The following ZCCHC17 variants were observed in gnomAD, a reference collection of about 807,000 sequenced individuals.
ZCCHC17 encodes zinc finger CCHC-type containing 17.
Under a neutral mutation model 30.6 loss-of-function variants are expected in ZCCHC17, and 18 were observed. The observed-to-expected ratio is 0.59, with a 90% CI of 0.41 to 0.87. ZCCHC17 has a LOEUF of 0.87. Among genes scored for constraint, ZCCHC17 ranks in the 40% least tolerant of loss-of-function variants. The pLI is 0.00. For synonymous variants in ZCCHC17, 88 were observed against 92.4 expected, an observed-to-expected ratio of 0.95 and a Z score of 0.27; for missense variants, 263 against 284.2, an observed-to-expected ratio of 0.93 and a Z score of 0.54.
intron 1 of ZCCHC17, among the ~76,000 whole-genome samples, chr1:31,304,751 A>G (rs762328638): frequency 6.6e-6 from 1 of 151,818 alleles, no homozygotes; most frequent in Non-Finnish European, 1.5e-5. Flanking sequence ...GCCCGCTGCC[A>G]CGCCTGGCTA....
intron 1 of ZCCHC17, among the ~76,000 whole-genome samples, chr1:31,307,231 C>T (rs1460747079): frequency 6.6e-6 from 1 of 151,894 alleles, no homozygotes; most frequent in Non-Finnish European, 1.5e-5. Flanking sequence ...CCTTAGCTTC[C>T]CACGATTACA....
At chr1:31,346,068 ATAGAAGGAGAGC>A (rs112123650) in intron 5 of ZCCHC17, among the ~76,000 whole-genome samples, 2 of 152,210 alleles carry the variant, frequency 1.3e-5, no homozygotes, top group African/African-American at 4.8e-5. Context: ...AAAAGACTTG[ATAGAAGGAGAGC>A]TAGTAACTGA....
chr1:31,326,512 G>A (rs1054829285), intron 3 of ZCCHC17, among the ~76,000 whole-genome samples: 3 of 152,188 alleles, frequency 2.0e-5, no homozygotes, highest in African/African-American at 7.2e-5. Context: ...CTTTCTGTCT[G>A]AGCACAGGTT....
Position 31,310,107 on chromosome 1 carries a change from A to T in ZCCHC17, c.9A>T (p.Ser3=), listed in dbSNP as rs1341442827. MN[S]GRPETMENLP... is the part of the protein sequence containing the mutation. Reference sequence around the variant, plus strand: ...GCCATAGAATATTAAGGATGAATTCAGGAAGGCCTGAGACCATGGAAAACT... The same window carrying T: ...GCCATAGAATATTAAGGATGAATTCTGGAAGGCCTGAGACCATGGAAAACT... The change falls in exon 2 of 8, where the codon TCA becomes TCT. Residue 3 remains serine, a synonymous_variant. Transcript: ENST00000344147. The T allele has an allele frequency of 6.2e-7, 1 of 1,614,092 alleles. No homozygotes were observed.
intron 7 of ZCCHC17, among the ~76,000 whole-genome samples, chr1:31,354,878 C>A (rs1224607328): frequency 2.0e-5 from 3 of 152,058 alleles, no homozygotes; most frequent in Non-Finnish European, 4.4e-5. Flanking sequence ...ATTATTATTT[C>A]TTAAAAGTAT....
At position 31,310,063 on chromosome 1, in the gene ZCCHC17, A is replaced by G. The variant is rs1646560755; in HGVS notation, c.-36A>G. 6.2e-7 allele frequency: 1 copy of G among 1,607,168 alleles called. No homozygotes were observed. The highest frequency in any genetic ancestry group is 8.5e-7 in the Non-Finnish European group (1 of 1,175,582). On this transcript the variant is annotated 5_prime_UTR_variant, in exon 2 of 8. Coordinates refer to ENST00000344147, the MANE Select transcript of ZCCHC17 (RefSeq NM_016505.4). ...TGACAGGACACTTGTATTAGCTTTAATAGAAGAGAAATGGAGGAGCCATAG... is the reference window on the plus strand; with the variant it reads ...TGACAGGACACTTGTATTAGCTTTAGTAGAAGAGAAATGGAGGAGCCATAG...
intron 3 of ZCCHC17, among the ~76,000 whole-genome samples, chr1:31,329,069 A>G (rs1569836779): frequency 6.6e-6 from 1 of 152,212 alleles, no homozygotes; most frequent in Non-Finnish European, 1.5e-5. Flanking sequence ...TCCTGAGGCT[A>G]TCTAGGGATC....
intron 3 of ZCCHC17, among the ~76,000 whole-genome samples, chr1:31,333,549 G>A (rs1557443234): frequency 6.6e-6 from 1 of 151,868 alleles, no homozygotes; most frequent in East Asian, 1.9e-4. Flanking sequence ...AAATACATAT[G>A]TGTGTGTGTA....
In ZCCHC17 at chr1:31,348,869, T is replaced by G; in HGVS notation, c.459T>G (p.Thr153=). 6.2e-7 allele frequency: 1 copy of G among 1,613,162 alleles called. No homozygotes were observed. Among genetic ancestry groups the G allele is most frequent in the African/African-American group, 1.3e-5 (1 of 75,012 alleles). Residue 153 remains threonine (T), a synonymous_variant, in exon 7 of 8, where the codon ACT becomes ACG. Transcript: ENST00000344147. ...ATTGTTTCATGCAACCAGGTGGGAC[T>G]AAATACTCTCTGATACCTGATGAGG... is the stretch of plus-strand genomic sequence containing the variant. ...AKDCFMQPGG[T]KYSLIPDEEE...
intron 4 of ZCCHC17, among the ~76,000 whole-genome samples, 175 bp from the exon 5 acceptor site, chr1:31,338,782 T>C (rs1311271954): frequency 6.6e-6 from 1 of 152,218 alleles, no homozygotes; most frequent in African/African-American, 2.4e-5. Flanking sequence ...TTCCTAAAAT[T>C]CTTCTGCCAC....
chr1:31,303,571 T>C (rs1199380154), intron 1 of ZCCHC17, among the ~76,000 whole-genome samples: 7 of 152,218 alleles, frequency 4.6e-5, no homozygotes, highest in Admixed American at 2.0e-4. Context: ...CAATTTAATA[T>C]TGTTCTTTAA....
chr1:31,355,297 C>G (rs764359877), intron 7 of ZCCHC17, among the ~76,000 whole-genome samples: 17 of 152,056 alleles, frequency 1.1e-4, no homozygotes, highest in Admixed American at 5.9e-4. Context: ...TTGATGCCCA[C>G]TATTTCTACC....
intron 7 of ZCCHC17, among the ~76,000 whole-genome samples, chr1:31,354,312 C>T (rs2889730): frequency 0.54 from 82,620 of 151,988 alleles, 23,361 homozygotes; most frequent in Non-Finnish European, 0.62. Flanking sequence ...AATTCACTTA[C>T]TCGTTCTAAC....
chr1:31,298,387 G>GTT (rs35380795), intron 1 of ZCCHC17, among the ~76,000 whole-genome samples: 61 of 139,214 alleles, frequency 4.4e-4, no homozygotes, highest in South Asian at 6.9e-4. Flanking sequence ...GTTTTTTTTT[G>GTT]TTTTTTTTTT....
At position 31,364,587 on chromosome 1, in the gene ZCCHC17, C is replaced by T. The variant is rs908521176; in HGVS notation, c.*394C>T. 33 of 200,958 alleles carry T rather than the reference C, an allele frequency of 1.6e-4. No individual in the cohort carries two copies. The highest frequency in any genetic ancestry group is 7.3e-4 in the African/African-American group (32 of 43,802). 12.4% of individuals were successfully genotyped at this position (200,958 alleles called of 1,614,324 possible). ...TTCGGCTGTAGTTAGAGTGATTGGA[C>T]CCTTCCTATTGGTCTGTCCTGGGCC... On this transcript the variant is annotated 3_prime_UTR_variant, in exon 8 of 8. Transcript: ENST00000344147.
Position 31,310,113 on chromosome 1 carries a change from G to T in ZCCHC17, c.15G>T (p.Arg5Ser), listed in dbSNP as rs920103733. Residue 5 changes from arginine (R) to serine (S), a missense_variant, in exon 2 of 8, where the codon AGG becomes AGT. By Grantham distance (110) the Arg-to-Ser change is moderately radical. Transcript: ENST00000344147. ...GAATATTAAGGATGAATTCAGGAAG[G>T]CCTGAGACCATGGAAAACTTGCCTG... Reference protein sequence around the residue: MNSGRPETMENLPAL... With the variant: MNSGSPETMENLPAL... 1.9e-6 allele frequency: 3 copies of T among 1,613,982 alleles called. No homozygotes were observed. Among genetic ancestry groups the T allele is most frequent in the African/African-American group, 1.3e-5 (1 of 74,902 alleles).
At chr1:31,300,301 C>CT (rs536523251) in intron 1 of ZCCHC17, among the ~76,000 whole-genome samples, 111 of 152,304 alleles carry the variant, frequency 7.3e-4, no homozygotes, top group African/African-American at 2.6e-3. Context: ...CTCAAGTGAT[C>CT]TTGCTGCCTT....
At chr1:31,331,949 C>T (rs565790281) in intron 3 of ZCCHC17, among the ~76,000 whole-genome samples, 1 of 152,110 alleles carries the variant, frequency 6.6e-6, no homozygotes, top group East Asian at 1.9e-4. Flanking sequence ...GTACACTAAA[C>T]CTTCATGGAC....
Position 31,361,786 on chromosome 1 carries a change from A to ATTATTTATTTAT in ZCCHC17, c.565-2215_565-2204dup, listed in dbSNP as rs3049344. On this transcript the variant is annotated intron_variant, in intron 7 of 7. Transcript: ENST00000344147. ...GTGTTTTTTTTGGGGAGAGGGGGAG[A>ATTATTTATTTAT]TTATTTATTTATTTATTTATTTATT... is the stretch of plus-strand genomic sequence containing the variant. Among the ~76,000 whole-genome samples, 435 of 145,910 alleles carry ATTATTTATTTAT rather than the reference A, an allele frequency of 3.0e-3. 1 individual carries two copies. Among genetic ancestry groups the ATTATTTATTTAT allele is most frequent in the South Asian group, 4.6e-3 (20 of 4,394 alleles).
Sources: gnomAD v4.1 joint callset for allele counts (sites outside exome capture counted in the v4.1 genomes callset) on GRCh38, gnomAD v4.1.1 for gene constraint, MANE v1.5 for transcripts, NCBI Gene and HGNC (gene_info 2026-07-23, HGNC 2026-07-21) for gene names.